EDNRB: variants seen among roughly 807,000 people sequenced by gnomAD.
EDNRB encodes endothelin receptor type B.
EDNRB carries 18 observed loss-of-function variants against 46.4 expected under a neutral mutation model. The ratio of observed to expected loss-of-function variants is 0.39; its 90% CI spans 0.27 to 0.57. The LOEUF is 0.57. Ranked by LOEUF, EDNRB falls within the 20% of genes least tolerant of loss-of-function variation. The probability of loss-of-function intolerance (pLI) is 0.61; values close to 1 mark genes in which losing one functional copy is unlikely to be tolerated. For missense variants in EDNRB, 434 were observed against 537.5 expected (o/e 0.81, Z 1.90); for synonymous variants, 213 against 204.9 (o/e 1.04, Z -0.34).
At chr13:77,921,758 T>TGTCA (rs1385027956), upstream of EDNRB, among the ~76,000 whole-genome samples, 3 of 152,216 alleles carry the variant, frequency 2.0e-5, no homozygotes, top group Non-Finnish European at 4.4e-5. Flanking sequence ...AATGACTGGG[T>TGTCA]GTCAGTTTCC....
At chr13:77,966,850 T>C (rs554395513) in intron 1 of EDNRB, among the ~76,000 whole-genome samples, 1 of 152,284 alleles carries the variant, frequency 6.6e-6, no homozygotes, top group South Asian at 2.1e-4. Flanking sequence ...GCTACAAATG[T>C]ATTGGAGTAG....
intron 1 of EDNRB, among the ~76,000 whole-genome samples, chr13:77,966,946 AG>A (rs1881599705): frequency 6.6e-6 from 1 of 152,180 alleles, no homozygotes. Context: ...CAAAACCCTT[AG>A]GAAATCCTCT....
intron 1 of EDNRB, among the ~76,000 whole-genome samples, chr13:77,967,796 C>A (rs1478511989): frequency 6.6e-6 from 1 of 152,152 alleles, no homozygotes; most frequent in Admixed American, 6.5e-5. Flanking sequence ...ATTTACTCCT[C>A]CTAAGAGCTA....
upstream of EDNRB, chr13:77,919,096 G>A (rs550457810): frequency 1.8e-4 from 85 of 475,314 alleles, no homozygotes; most frequent in Non-Finnish European, 2.8e-4. Context: ...ACTCCTCCCG[G>A]CGGATGAAAG....
intron 1 of EDNRB, among the ~76,000 whole-genome samples, chr13:77,909,610 G>A (rs1389028414): frequency 6.6e-6 from 1 of 151,960 alleles, no homozygotes; most frequent in East Asian, 1.9e-4. Flanking sequence ...AATTACAAAT[G>A]TACATTGAGC....
chr13:77,946,603 A>C (rs573925912), intron 1 of EDNRB, among the ~76,000 whole-genome samples: 1 of 152,180 alleles, frequency 6.6e-6, no homozygotes, highest in Non-Finnish European at 1.5e-5. Flanking sequence ...TTTCAACTCT[A>C]TGTTGGTGGC....
At chr13:77,948,561 A>G (rs1433876021) in intron 1 of EDNRB, among the ~76,000 whole-genome samples, 2 of 152,168 alleles carry the variant, frequency 1.3e-5, no homozygotes, top group Non-Finnish European at 2.9e-5. Flanking sequence ...CATTGAGGAG[A>G]CCTGAAATTC....
intron 1 of EDNRB, among the ~76,000 whole-genome samples, chr13:77,968,970 A>C (rs1881653294): frequency 6.6e-6 from 1 of 152,182 alleles, no homozygotes; most frequent in African/African-American, 2.4e-5. Flanking sequence ...GGAGATACTT[A>C]GAGTTACTTC....
chr13:77,956,031 A>G (rs1881229308), intron 1 of EDNRB, among the ~76,000 whole-genome samples: 1 of 152,138 alleles, frequency 6.6e-6, no homozygotes, highest in Non-Finnish European at 1.5e-5. Flanking sequence ...GCTCCAAATG[A>G]ATTTCAAGAT....
chr13:77,919,461 C>T, upstream of EDNRB: 2 of 1,612,766 alleles, frequency 1.2e-6, no homozygotes, highest in Non-Finnish European at 1.7e-6. Flanking sequence ...GAGGCGGAAC[C>T]CAGCTGGGTT....
In EDNRB at chr13:77,898,306, A is replaced by C; in HGVS notation, c.1223T>G (p.Phe408Cys). 1.2e-6 allele frequency: 2 copies of C among 1,612,150 alleles called. No individual in the cohort carries two copies. The highest frequency in any genetic ancestry group is 1.1e-5 in the South Asian group (1 of 91,042). ...TTCCTCCAAGGACTGTTTTTCTTCA[A>C]ATGACTGGCACCAGCAGCATAAGCA... ...KSCLCCWCQS[F>C]EEKQSLEEKQ... The change falls in exon 7 of 7, where the codon TTT (phenylalanine) becomes TGT (cysteine). Residue 408 changes from phenylalanine to cysteine, a missense_variant. Transcript: ENST00000646607.
intron 1 of EDNRB, among the ~76,000 whole-genome samples, chr13:77,974,966 G>A (rs935761479): frequency 3.9e-5 from 6 of 151,972 alleles, no homozygotes; most frequent in Non-Finnish European, 5.9e-5. Context: ...AAAACACCAC[G>A]CTCACACCAC....
intron 1 of EDNRB, among the ~76,000 whole-genome samples, chr13:77,931,602 G>A (rs970121520): frequency 1.3e-5 from 2 of 151,980 alleles, no homozygotes; most frequent in Non-Finnish European, 2.9e-5. Context: ...GTCTAATTGT[G>A]TCAGTGCACA....
Position 77,898,305 on chromosome 13 carries a change from A to G in EDNRB, c.1224T>C (p.Phe408=). Residue 408 remains phenylalanine (F), a synonymous_variant, in exon 7 of 7, where the codon TTT becomes TTC. Coordinates refer to ENST00000646607, the MANE Select transcript of EDNRB (RefSeq NM_001122659.3). ...KSCLCCWCQS[F]EEKQSLEEKQ... Reference sequence around the variant, plus strand: ...TTTCCTCCAAGGACTGTTTTTCTTCAAATGACTGGCACCAGCAGCATAAGC... The same window carrying G: ...TTTCCTCCAAGGACTGTTTTTCTTCGAATGACTGGCACCAGCAGCATAAGC... 6.2e-7 allele frequency: 1 copy of G among 1,612,204 alleles called. No individual in the cohort carries two copies.
In EDNRB at chr13:77,903,713, G is replaced by A; in HGVS notation, c.484-106C>T. On this transcript the variant is annotated intron_variant, in intron 1 of 6. Transcript: ENST00000646607. ...AACATGCAGAGTAGGATAAACTCTG[G>A]TTGTCATTCTTTTTCTCATGGACTA... 4 of 937,174 alleles carry A rather than the reference G, an allele frequency of 4.3e-6. No individual in the cohort carries two copies. The South Asian group carries it at 5.5e-5, about 13-fold the overall frequency. The allele number at this position is 937,174 out of a possible 1,614,324, so 58.1% of individuals were successfully genotyped here. A position where few individuals can be genotyped will look rare whatever the true frequency, so the allele number is the denominator to read the frequency against.
At chr13:77,950,313 G>T (rs1465784976) in intron 1 of EDNRB, among the ~76,000 whole-genome samples, 3 of 152,204 alleles carry the variant, frequency 2.0e-5, no homozygotes, top group Non-Finnish European at 4.4e-5. Flanking sequence ...GTTTCCCTTT[G>T]GAGGTTGATA....
intron 1 of EDNRB, among the ~76,000 whole-genome samples, chr13:77,914,571 C>T (rs1441284892): frequency 7.9e-5 from 12 of 152,216 alleles, no homozygotes; most frequent in Non-Finnish European, 1.6e-4. Context: ...TGCATGTTTA[C>T]ATGAGTTTAA....
Position 77,897,468 on chromosome 13 carries a change from C to A in EDNRB, c.*732G>T, listed in dbSNP as rs1466681819. ...TGAATGTAAAGGATGTAATAATTTT[C>A]TTTTTAAAAGTATTATATTTTAAAT... On this transcript the variant is annotated 3_prime_UTR_variant, in exon 7 of 7. Transcript: ENST00000646607. 4 of 982,262 alleles carry A rather than the reference C, an allele frequency of 4.1e-6. No individual in the cohort carries two copies. In the African/African-American group the frequency reaches 7.0e-5, roughly 17 times the overall value. The allele number at this position is 982,262 out of a possible 1,614,324, so 60.8% of individuals were successfully genotyped here. A position where few individuals can be genotyped will look rare whatever the true frequency, so the allele number is the denominator to read the frequency against.
At chr13:77,926,157 C>T (rs1161387051) in intron 1 of EDNRB, among the ~76,000 whole-genome samples, 2 of 152,176 alleles carry the variant, frequency 1.3e-5, no homozygotes, top group Non-Finnish European at 2.9e-5. Context: ...AGCATGGGGA[C>T]CCTGGGACAT....
Sources: allele counts gnomAD v4.1 joint callset (sites outside exome capture counted in the v4.1 genomes callset), GRCh38; gene constraint gnomAD v4.1.1; transcripts MANE v1.5; gene names NCBI Gene and HGNC (gene_info 2026-07-23, HGNC 2026-07-21).